The following ANO5 variants were observed in gnomAD, a reference collection of about 807,000 sequenced individuals.
The protein encoded by ANO5 is anoctamin 5.
ANO5 carries 109 observed loss-of-function variants against 121.0 expected under a neutral mutation model. The ratio of observed to expected loss-of-function variants is 0.90; its 90% CI spans 0.77 to 1.06. The LOEUF is 1.06. ANO5 is among the 50% of genes least tolerant of loss of function. The probability of loss-of-function intolerance (pLI) is 0.00; values close to 1 mark genes in which losing one functional copy is unlikely to be tolerated. For synonymous variants in ANO5, 406 were observed against 359.9 expected, an observed-to-expected ratio of 1.13 and a Z score of -1.45; for missense variants, 1,064 against 1,078.5, an observed-to-expected ratio of 0.99 and a Z score of 0.19.
At chr11:22,229,602 G>A (rs564526433) in intron 7 of ANO5, among the ~76,000 whole-genome samples, 2 of 151,994 alleles carry the variant, frequency 1.3e-5, no homozygotes, top group South Asian at 4.2e-4. Context: ...AATAATATAT[G>A]TAATGCACTT....
chr11:22,227,257 AC>A, intron 6 of ANO5, 44 bp from the exon 7 acceptor site: 1 of 1,604,748 alleles, frequency 6.2e-7, no homozygotes, highest in Non-Finnish European at 8.5e-7. Flanking sequence ...TCAATAACAA[AC>A]TGATCAGTAA....
At chr11:22,192,795 G>T (rs1178272791), upstream of ANO5, among the ~76,000 whole-genome samples, 1 of 152,210 alleles carries the variant, frequency 6.6e-6, no homozygotes, top group Non-Finnish European at 1.5e-5. Context: ...GACGTGCGAA[G>T]CCTGTACAGA....
Position 22,274,700 on chromosome 11 carries a change from T to G in ANO5, c.2367T>G (p.Phe789Leu). The G allele has an allele frequency of 6.2e-7, 1 of 1,613,676 alleles. No individual in the cohort carries two copies. Among genetic ancestry groups the G allele is most frequent in the African/African-American group, 1.3e-5 (1 of 75,030 alleles). The change falls in exon 20 of 22, where the codon TTT becomes TTG. Residue 789 changes from phenylalanine (F) to leucine (L), a missense_variant. Phe to Leu is a conservative substitution (Grantham distance 22). Coordinates refer to ENST00000324559, the MANE Select transcript of ANO5 (RefSeq NM_213599.3). ...TGTCAGTATTCCTGATAGCTGATTT[T>G]CCAAACCACACTGCACCTTCGGAAA... The part of the protein sequence containing the change: ...NSLSVFLIAD[F>L]PNHTAPSEKR...
At chr11:22,274,268 A>G (rs1468512103) in intron 19 of ANO5, among the ~76,000 whole-genome samples, 1 of 152,034 alleles carries the variant, frequency 6.6e-6, no homozygotes, top group Non-Finnish European at 1.5e-5. Context: ...CTGTGAAACA[A>G]TAAGAAATGT....
chr11:22,277,578 C>A (rs951358230), intron 21 of ANO5, among the ~76,000 whole-genome samples: 3 of 151,306 alleles, frequency 2.0e-5, no homozygotes, highest in Non-Finnish European at 4.4e-5. Flanking sequence ...ACATCTGTTT[C>A]CTGTCTTATA....
At position 22,258,777 on chromosome 11, in the gene ANO5, G is replaced by A. The variant is rs188586067; in HGVS notation, c.1408-742G>A. 1.1e-4 allele frequency among the ~76,000 whole-genome samples: 16 copies of A among 152,166 alleles called. No homozygotes were observed. In the East Asian group the frequency reaches 3.1e-3, roughly 29 times the overall value. On this transcript the variant is annotated intron_variant, in intron 14 of 21. Coordinates refer to ENST00000324559, the MANE Select transcript of ANO5 (RefSeq NM_213599.3). ...TGTAAAGGGGCCAGATATATTTTTGGCTTTGTGGCCACATATAGTCTCTGG... is the reference window on the plus strand; with the variant it reads ...TGTAAAGGGGCCAGATATATTTTTGACTTTGTGGCCACATATAGTCTCTGG...
In ANO5 at chr11:22,239,587, T is replaced by C. The variant is rs1225936277; in HGVS notation, c.781T>C (p.Ser261Pro). 1 of 1,612,416 alleles carries C rather than the reference T, an allele frequency of 6.2e-7. No individual in the cohort carries two copies. Among genetic ancestry groups the C allele is most frequent in the Non-Finnish European group, 8.5e-7 (1 of 1,178,718 alleles). Residue 261 changes from serine to proline, a missense_variant, in exon 9 of 22, where the codon TCA (serine) becomes CCA (proline). Transcript: ENST00000324559. ...TCTGCAGGGCCAATATTGGAAGCCA[T>C]CAGAACCTCCCAATCCTACCAATGA... The part of the protein sequence containing the change: ...PLHDGQYWKP[S>P]EPPNPTNERY...
intron 12 of ANO5, among the ~76,000 whole-genome samples, chr11:22,251,390 C>T (rs945469699): frequency 6.6e-6 from 1 of 152,138 alleles, no homozygotes; most frequent in African/African-American, 2.4e-5. Flanking sequence ...AGATCAAAAA[C>T]TTGAGGACTA....
intron 3 of ANO5, among the ~76,000 whole-genome samples, chr11:22,215,678 GAAAA>G (rs1197771517): frequency 2.6e-5 from 4 of 151,740 alleles, no homozygotes; most frequent in Non-Finnish European, 5.9e-5. Context: ...AGAAATTTAT[GAAAA>G]AAGTTTTCAT....
In ANO5 at chr11:22,259,745, AGCTG is replaced by A; in HGVS notation, c.1630+7_1630+10del. The A allele has an allele frequency of 1.9e-6, 3 of 1,600,734 alleles. No homozygotes were observed. Among genetic ancestry groups the A allele is most frequent in the Non-Finnish European group, 2.6e-6 (3 of 1,168,216 alleles). On this transcript the variant is annotated splice_donor_5th_base_variant and intron_variant, in intron 15 of 21. Transcript: ENST00000324559. ...TCTGCCTGGATCACAAAAATGGGTA[AGCTG>A]GCCAAATCATTTGTGTGATTCTGAA...
Position 22,226,074 on chromosome 11 carries a change from T to C in ANO5, c.363+22T>C, listed in dbSNP as rs761434385. The stretch of plus-strand genomic sequence containing the variant: ...AAGGGTAAATGTAGTTGATAATTTA[T>C]ACAAGCCTCTTTAATTTAAGTGTTG... On this transcript the variant is annotated intron_variant, in intron 6 of 21. Transcript: ENST00000324559. The C allele has an allele frequency of 1.9e-6, 3 of 1,562,714 alleles. No individual in the cohort carries two copies. In the Admixed American group the frequency reaches 5.0e-5, roughly 26 times the overall value.
At chr11:22,253,597 A>G (rs1352593391) in intron 12 of ANO5, among the ~76,000 whole-genome samples, 1 of 152,168 alleles carries the variant, frequency 6.6e-6, no homozygotes, top group Non-Finnish European at 1.5e-5. Context: ...CTCCCTGCTA[A>G]CAATGTATCT....
intron 19 of ANO5, 50 bp from the exon 20 acceptor site, chr11:22,274,519 A>G: frequency 6.6e-7 from 1 of 1,504,992 alleles, no homozygotes; most frequent in South Asian, 1.3e-5. Flanking sequence ...GACATTATTA[A>G]AACTAAATTG....
intron 17 of ANO5, 37 bp downstream of exon 17, chr11:22,263,080 T>G: frequency 6.6e-7 from 1 of 1,510,712 alleles, no homozygotes. Context: ...TTGATTTAAG[T>G]AACCATGAGA....
chr11:22,213,891 T>TTTTGTTTTG (rs1852360204), intron 3 of ANO5, among the ~76,000 whole-genome samples: 2 of 148,488 alleles, frequency 1.3e-5, no homozygotes, highest in South Asian at 2.1e-4. Context: ...GGTGTTTTGT[T>TTTTGTTTTG]TTTTGTTTTG....
At chr11:22,210,991 A>G (rs980405282) in intron 2 of ANO5, among the ~76,000 whole-genome samples, 2 of 151,892 alleles carry the variant, frequency 1.3e-5, no homozygotes, top group Non-Finnish European at 2.9e-5. Flanking sequence ...TACCTCCCAA[A>G]TACTAATTCT....
intron 18 of ANO5, among the ~76,000 whole-genome samples, chr11:22,271,206 C>A (rs1315441731): frequency 2.0e-5 from 3 of 152,128 alleles, no homozygotes; most frequent in Non-Finnish European, 4.4e-5. Flanking sequence ...CAGGTGCGTG[C>A]CATCACGCCC....
At chr11:22,221,043 G>A (rs1349155300) in intron 4 of ANO5, 54 bp from the exon 5 acceptor site, 3 of 1,288,088 alleles carry the variant, frequency 2.3e-6, no homozygotes, top group Admixed American at 3.5e-5. Flanking sequence ...TTGTGCTTTT[G>A]CCATTTCAGA....
intron 2 of ANO5, among the ~76,000 whole-genome samples, chr11:22,210,822 A>G (rs1852253827): frequency 6.6e-6 from 1 of 151,940 alleles, no homozygotes; most frequent in Admixed American, 6.6e-5. Context: ...TTTCAAACAA[A>G]TGTTGAAGGG....
Sources: allele counts gnomAD v4.1 joint callset (sites outside exome capture counted in the v4.1 genomes callset), GRCh38; gene constraint gnomAD v4.1.1; transcripts MANE v1.5; gene names NCBI Gene and HGNC (gene_info 2026-07-23, HGNC 2026-07-21).